Variants in RPS6KC1 observed in about 807,000 individuals in gnomAD.
RPS6KC1 encodes the protein inactive ribosomal protein S6 kinase delta-1.
Under a neutral mutation model 103.8 loss-of-function variants are expected in RPS6KC1, and 54 were observed. The observed-to-expected ratio is 0.52, with a 90% CI of 0.42 to 0.65. The LOEUF is 0.65. RPS6KC1 is among the 30% of genes least tolerant of loss of function. The pLI is 0.00. For missense variants in RPS6KC1, 1,151 were observed against 1,253.8 expected, an observed-to-expected ratio of 0.92 and a Z score of 1.24; for synonymous variants, 439 against 438.7, an observed-to-expected ratio of 1.00 and a Z score of -0.01.
chr1:213,499,775 A>G, the RPS6KC1 span, among the ~76,000 whole-genome samples: 1 of 152,356 alleles, frequency 6.6e-6, no homozygotes, highest in Admixed American at 6.5e-5. Flanking sequence ...CTCCTAGACT[A>G]CAAACCTGTA....
the RPS6KC1 span, among the ~76,000 whole-genome samples, chr1:213,828,894 A>T: frequency 6.6e-6 from 1 of 152,250 alleles, no homozygotes; most frequent in South Asian, 2.1e-4. Flanking sequence ...TTTCAAACAG[A>T]TCACCTAGTG....
the RPS6KC1 span, among the ~76,000 whole-genome samples, chr1:213,658,783 G>T: frequency 6.6e-6 from 1 of 152,106 alleles, no homozygotes; most frequent in Non-Finnish European, 1.5e-5. Context: ...AGGAAACTGG[G>T]GGAAATGCCT....
At chr1:213,258,777 G>A (rs1421796446) in intron 12 of RPS6KC1, among the ~76,000 whole-genome samples, 1 of 152,148 alleles carries the variant, frequency 6.6e-6, no homozygotes. Flanking sequence ...CTTTTACTTT[G>A]CTAACATTTC....
At chr1:213,389,480 C>T in the RPS6KC1 span, among the ~76,000 whole-genome samples, 1 of 152,212 alleles carries the variant, frequency 6.6e-6, no homozygotes, top group Non-Finnish European at 1.5e-5. Flanking sequence ...GCAGCCATGC[C>T]ACCTCCCTGC....
the RPS6KC1 span, among the ~76,000 whole-genome samples, chr1:213,331,569 A>G: frequency 1.3e-5 from 2 of 152,222 alleles, no homozygotes; most frequent in Admixed American, 1.3e-4. Context: ...AGGCCTAGGT[A>G]GAGCCAGGCC....
chr1:213,090,587 C>G (rs1055658904), intron 3 of RPS6KC1, among the ~76,000 whole-genome samples: 2 of 152,108 alleles, frequency 1.3e-5, no homozygotes, highest in Admixed American at 6.5e-5. Flanking sequence ...CTTTGGAGGG[C>G]AATTTGAAAT....
chr1:213,640,427 T>G, the RPS6KC1 span, among the ~76,000 whole-genome samples: 1 of 151,860 alleles, frequency 6.6e-6, no homozygotes, highest in Admixed American at 6.6e-5. Context: ...ACCTTTGTTA[T>G]TTACTTTCTT....
At chr1:213,612,274 G>A in the RPS6KC1 span, among the ~76,000 whole-genome samples, 1 of 152,222 alleles carries the variant, frequency 6.6e-6, no homozygotes, top group African/African-American at 2.4e-5. Context: ...TAATCTCCAA[G>A]TCTGCAGGGT....
chr1:213,328,941 G>T, the RPS6KC1 span, among the ~76,000 whole-genome samples: 1 of 152,070 alleles, frequency 6.6e-6, no homozygotes, highest in African/African-American at 2.4e-5. Context: ...CCCTTTTAAG[G>T]TGCATGTTAT....
At chr1:213,347,246 T>C in the RPS6KC1 span, among the ~76,000 whole-genome samples, 1 of 152,184 alleles carries the variant, frequency 6.6e-6, no homozygotes, top group Non-Finnish European at 1.5e-5. Context: ...GGTAATAAGA[T>C]TAATGATTGT....
At chr1:213,640,547 A>G in the RPS6KC1 span, among the ~76,000 whole-genome samples, 1 of 151,610 alleles carries the variant, frequency 6.6e-6, no homozygotes, top group Non-Finnish European at 1.5e-5. Context: ...TTGTAGTGCT[A>G]TACATTTCCC....
intron 12 of RPS6KC1, among the ~76,000 whole-genome samples, chr1:213,251,372 C>T (rs1188264939): frequency 6.6e-6 from 1 of 152,168 alleles, no homozygotes; most frequent in African/African-American, 2.4e-5. Flanking sequence ...TCTCAAAGTG[C>T]TGGGATTACA....
At chr1:213,086,337 C>T (rs1273598917) in intron 3 of RPS6KC1, among the ~76,000 whole-genome samples, 1 of 152,310 alleles carries the variant, frequency 6.6e-6, no homozygotes, top group East Asian at 1.9e-4. Flanking sequence ...CTGCTGGCAC[C>T]ACAACAGAGC....
At chr1:213,855,035 G>A in the RPS6KC1 span, among the ~76,000 whole-genome samples, 4 of 152,210 alleles carry the variant, frequency 2.6e-5, no homozygotes, top group Non-Finnish European at 5.9e-5. Context: ...CACATGGTGG[G>A]GAAACAGGGA....
chr1:213,198,032 T>C (rs1354580343), intron 8 of RPS6KC1, among the ~76,000 whole-genome samples: 1 of 152,188 alleles, frequency 6.6e-6, no homozygotes, highest in Non-Finnish European at 1.5e-5. Flanking sequence ...TTCATTGTGT[T>C]ACGGTTTTAT....
At chr1:213,285,018 CAG>C in the RPS6KC1 span, among the ~76,000 whole-genome samples, 17 of 152,204 alleles carry the variant, frequency 1.1e-4, no homozygotes, top group Non-Finnish European at 2.4e-4. Flanking sequence ...TGGAGAAACT[CAG>C]AAAGTATTTT....
At chr1:213,178,901 G>C (rs558243182) in intron 8 of RPS6KC1, among the ~76,000 whole-genome samples, 4 of 151,774 alleles carry the variant, frequency 2.6e-5, no homozygotes, top group Non-Finnish European at 4.4e-5. Context: ...TGTATTTTTA[G>C]TAGAGACAGG....
chr1:213,724,797 G>A, the RPS6KC1 span, among the ~76,000 whole-genome samples: 1 of 152,160 alleles, frequency 6.6e-6, no homozygotes, highest in South Asian at 2.1e-4. Flanking sequence ...TTACTAACAA[G>A]TACTTACATT....
the RPS6KC1 span, among the ~76,000 whole-genome samples, chr1:213,530,752 G>A: frequency 1.4e-4 from 21 of 152,176 alleles, no homozygotes; most frequent in Non-Finnish European, 2.2e-4. Context: ...CTGCTTGCTT[G>A]TGGCTTGCTT....
Sources: allele counts gnomAD v4.1 joint callset (sites outside exome capture counted in the v4.1 genomes callset), GRCh38; gene constraint gnomAD v4.1.1; transcripts MANE v1.5; gene names NCBI Gene and HGNC (gene_info 2026-07-23, HGNC 2026-07-21).